SULT1B1: variants seen among roughly 807,000 people sequenced by gnomAD.
The protein encoded by SULT1B1 is sulfotransferase 1B1.
In SULT1B1, 28 loss-of-function variants were observed where a neutral mutation model predicts 34.6. The ratio of observed to expected loss-of-function variants is 0.81; its 90% CI spans 0.60 to 1.11. The LOEUF (loss-of-function observed/expected upper bound fraction) is 1.11. SULT1B1 is among the 50% of genes least tolerant of loss of function. SULT1B1 has a pLI of 0.00. For missense variants in SULT1B1, 374 were observed against 352.2 expected (o/e 1.06, Z -0.50); for synonymous variants, 147 against 110.2 (o/e 1.33, Z -2.09).
chr4:69,740,481 C>T (rs1411605154), intron 4 of SULT1B1, among the ~76,000 whole-genome samples: 1 of 152,164 alleles, frequency 6.6e-6, no homozygotes, highest in Non-Finnish European at 1.5e-5. Context: ...GAAACCAACC[C>T]AATGATTCAA....
At chr4:69,740,084 T>C (rs1261060025) in intron 4 of SULT1B1, among the ~76,000 whole-genome samples, 3 of 152,212 alleles carry the variant, frequency 2.0e-5, no homozygotes, top group Admixed American at 2.0e-4. Context: ...CTTTCCCACA[T>C]TTTCCTGTCG....
rs756017821 is a variant in SULT1B1 at position 69,726,033 on chromosome 4, CATATATATATAT to C, written c.*1043_*1054del. 0.02 allele frequency: 589 copies of C among 29,124 alleles called. 10 individuals are homozygous for C. The highest frequency in any genetic ancestry group is 0.055 in the East Asian group (40 of 726). The allele number at this position is 29,124 out of a possible 1,614,324, so 1.8% of individuals were successfully genotyped here. A position where few individuals can be genotyped will look rare whatever the true frequency, so the allele number is the denominator to read the frequency against. The stretch of plus-strand genomic sequence containing the variant: ...ACTTAAAGTATAATAATAAAATGTA[CATATATATATAT>C]ATATATATATATATATATATATATA... On this transcript the variant is annotated 3_prime_UTR_variant, in exon 8 of 8. Transcript: ENST00000310613.
chr4:69,729,662 AT>A (rs1275894925), intron 7 of SULT1B1, among the ~76,000 whole-genome samples: 1 of 152,104 alleles, frequency 6.6e-6, no homozygotes, highest in Non-Finnish European at 1.5e-5. Flanking sequence ...AATTAATCAT[AT>A]TACTCAAAAT....
chr4:69,739,606 G>T (rs1169554919), intron 4 of SULT1B1, among the ~76,000 whole-genome samples: 3 of 152,214 alleles, frequency 2.0e-5, no homozygotes, highest in African/African-American at 7.2e-5. Flanking sequence ...TGATGGGAGA[G>T]GCTACTGCAA....
At chr4:69,735,689 T>C (rs1027261191) in intron 4 of SULT1B1, among the ~76,000 whole-genome samples, 2 of 152,028 alleles carry the variant, frequency 1.3e-5, no homozygotes, top group African/African-American at 4.8e-5. Flanking sequence ...GCCCCAGAAA[T>C]CAAATAAGCA....
chr4:69,742,197 C>G (rs1424659504), intron 4 of SULT1B1, among the ~76,000 whole-genome samples: 1 of 152,152 alleles, frequency 6.6e-6, no homozygotes, highest in African/African-American at 2.4e-5. Flanking sequence ...ATTGAGCTAA[C>G]TTTGCATTCT....
rs755907485 is a variant in SULT1B1 at position 69,734,217 on chromosome 4, G to A, written c.423C>T (p.Tyr141=). The A allele has an allele frequency of 1.9e-6, 3 of 1,612,166 alleles. No individual in the cohort carries two copies. Among genetic ancestry groups the A allele is most frequent in the Admixed American group, 3.3e-5 (2 of 59,908 alleles). Residue 141 remains tyrosine (Y), a synonymous_variant, in exon 5 of 8, where the codon TAC becomes TAT. Transcript: ENST00000310613. Reference sequence around the variant, plus strand: ...GTAAATTATTCATTAAGTCAAAATGGTAATATGAGACTGAAACATCCTTGG... The same window carrying A: ...GTAAATTATTCATTAAGTCAAAATGATAATATGAGACTGAAACATCCTTGG... ...RNAKDVSVSY[Y]HFDLMNNLQP...
At chr4:69,730,177 T>C (rs1428017319) in intron 7 of SULT1B1, among the ~76,000 whole-genome samples, 1 of 152,154 alleles carries the variant, frequency 6.6e-6, no homozygotes, top group African/African-American at 2.4e-5. Context: ...AGGAAGCTTA[T>C]CTATGCCATC....
In SULT1B1 at chr4:69,755,137, G is replaced by A; in HGVS notation, c.81C>T (p.Asn27=). 6.2e-7 allele frequency: 1 copy of A among 1,613,918 alleles called. No individual in the cohort carries two copies. The highest frequency in any genetic ancestry group is 8.5e-7 in the Non-Finnish European group (1 of 1,179,854). The change falls in exon 2 of 8, where the codon AAC becomes AAT. Residue 27 remains asparagine (N), a synonymous_variant. Transcript: ENST00000310613. ...GYPMTCAFAS[N]WEKIEQFHSR... ...TATGGAACTGTTCAATTTTTTCCCAGTTGCTTGCAAAAGCACAGGTCATGG... is the reference window on the plus strand; with the variant it reads ...TATGGAACTGTTCAATTTTTTCCCAATTGCTTGCAAAAGCACAGGTCATGG...
At chr4:69,739,151 C>T (rs1383835390) in intron 4 of SULT1B1, among the ~76,000 whole-genome samples, 1 of 152,140 alleles carries the variant, frequency 6.6e-6, no homozygotes, top group Non-Finnish European at 1.5e-5. Context: ...CTCAGTGGAT[C>T]CACTATTCTA....
chr4:69,751,561 C>T (rs1157148354), intron 3 of SULT1B1, among the ~76,000 whole-genome samples: 1 of 152,168 alleles, frequency 6.6e-6, no homozygotes, highest in Non-Finnish European at 1.5e-5. Context: ...ACGCCATTCT[C>T]CTGCCTCAGC....
intron 1 of SULT1B1, among the ~76,000 whole-genome samples, chr4:69,758,882 C>T (rs1007711188): frequency 2.6e-5 from 4 of 152,142 alleles, no homozygotes; most frequent in Non-Finnish European, 5.9e-5. Context: ...ATTCAAATTA[C>T]AGTCCATGTA....
chr4:69,752,809 T>C (rs1028620606), intron 3 of SULT1B1, among the ~76,000 whole-genome samples: 1 of 152,236 alleles, frequency 6.6e-6, no homozygotes, highest in South Asian at 2.1e-4. Flanking sequence ...GGTCTATCAC[T>C]ATCCTACTAC....
At chr4:69,754,532 T>C in intron 3 of SULT1B1, 138 bp downstream of exon 3, 6 of 750,078 alleles carry the variant, frequency 8.0e-6, no homozygotes, top group Non-Finnish European at 1.3e-5. Context: ...CTTCTTATTC[T>C]TCAGTTTTAT....
chr4:69,735,042 TC>T (rs1449333846), intron 4 of SULT1B1, among the ~76,000 whole-genome samples: 1 of 151,980 alleles, frequency 6.6e-6, no homozygotes, highest in Non-Finnish European at 1.5e-5. Context: ...ATGGTCTCGA[TC>T]TCCTGAGCTC....
intron 5 of SULT1B1, 146 bp from the exon 6 acceptor site, chr4:69,733,653 C>A: frequency 1.7e-6 from 1 of 574,132 alleles, no homozygotes; most frequent in Non-Finnish European, 2.9e-6. Context: ...GTAAAATTAG[C>A]TATTTATGGA....
At position 69,747,816 on chromosome 4, in the gene SULT1B1, C is replaced by T. The variant is rs56213154; in HGVS notation, c.375+1905G>A. 3.3e-3 allele frequency among the ~76,000 whole-genome samples: 498 copies of T among 152,234 alleles called. 2 individuals are homozygous for T. The highest frequency in any genetic ancestry group is 0.012 in the African/African-American group (479 of 41,538). ...GTTTCACTCACTCCTTCTCTAGGAGCTGTGCGGGGCCAGGAATGAGTCATG... is the reference window on the plus strand; with the variant it reads ...GTTTCACTCACTCCTTCTCTAGGAGTTGTGCGGGGCCAGGAATGAGTCATG... On this transcript the variant is annotated intron_variant, in intron 4 of 7. Transcript: ENST00000310613.
Position 69,733,468 on chromosome 4 carries a change from C to T in SULT1B1, c.542G>A (p.Trp181Ter), listed in dbSNP as rs1244664936. 2 of 1,607,564 alleles carry T rather than the reference C, an allele frequency of 1.2e-6. No individual in the cohort carries two copies. Among genetic ancestry groups the T allele is most frequent in the Non-Finnish European group, 1.7e-6 (2 of 1,177,556 alleles). The change falls in exon 6 of 8, where the codon TGG becomes TAG. Residue 181 changes from tryptophan to a stop codon, truncating the protein, a stop_gained. Coordinates refer to ENST00000310613, the MANE Select transcript of SULT1B1 (RefSeq NM_014465.4). LOFTEE classifies it high-confidence loss of function. The stretch of plus-strand genomic sequence containing the variant: ...TATTGGGTGTTCTTCCTTTTTCTTC[C>T]ACCAGTTTTTAACATGAGTAAACCA... ...GSWFTHVKNW[W>*]KKKEEHPILF...
At chr4:69,743,594 T>C (rs1486232552) in intron 4 of SULT1B1, among the ~76,000 whole-genome samples, 1 of 152,160 alleles carries the variant, frequency 6.6e-6, no homozygotes, top group Non-Finnish European at 1.5e-5. Context: ...CCACACTTCA[T>C]AGCACCAAGG....
Sources: allele counts gnomAD v4.1 joint callset (sites outside exome capture counted in the v4.1 genomes callset), GRCh38; gene constraint gnomAD v4.1.1; transcripts MANE v1.5; gene names NCBI Gene and HGNC (gene_info 2026-07-23, HGNC 2026-07-21).